Variants in VWCE observed in about 807,000 individuals in gnomAD.
The protein encoded by VWCE is von Willebrand factor C and EGF domain-containing protein.
Under a neutral mutation model 102.9 loss-of-function variants are expected in VWCE, and 68 were observed. The ratio of observed to expected loss-of-function variants is 0.66; its 90% CI spans 0.54 to 0.81. VWCE has a LOEUF of 0.81. VWCE is among the 30% of genes least tolerant of loss of function. The probability of loss-of-function intolerance (pLI) is 0.00; values close to 1 mark genes in which losing one functional copy is unlikely to be tolerated. For missense variants in VWCE, 1,137 were observed against 1,263.6 expected (o/e 0.90, Z 1.52); for synonymous variants, 497 against 515.4 (o/e 0.96, Z 0.48).
In VWCE at chr11:61,291,539, C is replaced by T. The variant is rs1291733045; in HGVS notation, c.148G>A (p.Gly50Arg). Residue 50 changes from glycine (G) to arginine (R), a missense_variant, in exon 2 of 20, where the codon GGG becomes AGG. This residue lies in a region of VWCE where 575 missense variants were observed against 625.9 expected (regional missense o/e 0.92). Coordinates refer to ENST00000335613, the MANE Select transcript of VWCE (RefSeq NM_152718.2). ...GCCCAGCCAGGGCAGCAGCCACTCC[C>T]AAACCCAGAGAGGCAGACGTGGGGG... Reference protein sequence around the residue: ...LGPHVCLSGFGSGCCPGWAPS... With the variant: ...LGPHVCLSGFRSGCCPGWAPS... 6.7e-7 allele frequency: 1 copy of T among 1,486,732 alleles called. No individual in the cohort carries two copies. Among genetic ancestry groups the T allele is most frequent in the Admixed American group, 2.4e-5 (1 of 42,260 alleles). The allele number at this position is 1,486,732 out of a possible 1,614,324, so 92.1% of individuals were successfully genotyped here.
rs758891646 is a variant in VWCE, at chr11:61,258,821, G to A, written c.2722C>T (p.Pro908Ser). ...AGGAGGGTGATGGGGGTCTTCGAGG[G>A]GCTGGGGTCCATCATGGAAAGTGCT... Reference protein sequence around the residue: ...ASALSMMDPSPSKTPITLLGP... With the variant: ...ASALSMMDPSSSKTPITLLGP... Residue 908 changes from proline to serine, a missense_variant, in exon 20 of 20, where the codon CCC becomes TCC. This residue lies in a region of VWCE where 316 missense variants were observed against 319.3 expected (regional missense o/e 0.99). Transcript: ENST00000335613. The A allele has an allele frequency of 1.7e-5, 25 of 1,510,274 alleles. No individual in the cohort carries two copies. In the East Asian group the frequency reaches 5.3e-4, roughly 32 times the overall value. The allele number at this position is 1,510,274 out of a possible 1,614,324, so 93.6% of individuals were successfully genotyped here. A position where few individuals can be genotyped will look rare whatever the true frequency, so the allele number is the denominator to read the frequency against.
At position 61,291,254 on chromosome 11, in the gene VWCE, C is replaced by T. The variant is rs757834498; in HGVS notation, c.295+10G>A. On this transcript the variant is annotated intron_variant, in intron 3 of 19. Coordinates refer to ENST00000335613, the MANE Select transcript of VWCE (RefSeq NM_152718.2). ...TCTGTTCCCATCAGCCCCTTCCCAT[C>T]CCCAGTTACCTGGGCAGGTGGCCCC... 22 of 1,564,844 alleles carry T rather than the reference C, an allele frequency of 1.4e-5. No homozygotes were observed. The South Asian group carries it at 2.4e-4, about 17-fold the overall frequency.
chr11:61,265,536 C>T (rs1448018668), intron 16 of VWCE, among the ~76,000 whole-genome samples: 1 of 152,136 alleles, frequency 6.6e-6, no homozygotes, highest in Admixed American at 6.5e-5. Flanking sequence ...CCCCAAAGCC[C>T]GAGGCTGAGA....
At chr11:61,272,771 TCATA>T (rs1477990278) in intron 13 of VWCE, among the ~76,000 whole-genome samples, 3 of 148,598 alleles carry the variant, frequency 2.0e-5, no homozygotes, top group Non-Finnish European at 3.0e-5. Context: ...GCAGACACAC[TCATA>T]CAAACATACA....
chr11:61,268,882 T>C, intron 15 of VWCE, 40 bp downstream of exon 15: 1 of 1,605,318 alleles, frequency 6.2e-7, no homozygotes, highest in Non-Finnish European at 8.5e-7. Flanking sequence ...ATGCCTGAGA[T>C]GCCCTGCCCT....
chr11:61,271,185 C>T (rs1440449847), intron 14 of VWCE: 2 of 154,002 alleles, frequency 1.3e-5, no homozygotes, highest in South Asian at 4.0e-4. Flanking sequence ...CTTGCTTTGT[C>T]GCCAGGCTGG....
chr11:61,295,158 T>A lies in VWCE; in HGVS notation c.-121A>T, dbSNP rs1382030689. 3 of 558,562 alleles carry A rather than the reference T, an allele frequency of 5.4e-6. No individual in the cohort carries two copies. Among genetic ancestry groups the A allele is most frequent in the Non-Finnish European group, 8.2e-6 (3 of 366,354 alleles). 34.6% of individuals were successfully genotyped at this position (558,562 alleles called of 1,614,324 possible). The stretch of plus-strand genomic sequence containing the variant: ...GGGAGCGAACCAGCGATCCCCGAAA[T>A]GGCACGCAGAGCTGAGCAGGGGGGC... On this transcript the variant is annotated 5_prime_UTR_variant, in exon 1 of 20. Transcript: ENST00000335613. The surrounding 1 kb of genome is among the most constrained non-coding windows in gnomAD (Gnocchi z 4.6).
At chr11:61,273,379 T>C in intron 12 of VWCE, 63 bp from the exon 13 acceptor site, 6 of 1,475,992 alleles carry the variant, frequency 4.1e-6, no homozygotes, top group Non-Finnish European at 5.5e-6. Flanking sequence ...CATGGAGAGC[T>C]AGAGGAGGCC....
chr11:61,263,124 T>C (rs1854405956), intron 19 of VWCE, among the ~76,000 whole-genome samples: 1 of 152,170 alleles, frequency 6.6e-6, no homozygotes, highest in East Asian at 1.9e-4. Context: ...CTGACGAACA[T>C]GGCGAAACCT....
At chr11:61,290,735 A>G in intron 4 of VWCE, 64 bp downstream of exon 4, 1 of 1,543,946 alleles carries the variant, frequency 6.5e-7, no homozygotes, top group Non-Finnish European at 8.8e-7. Flanking sequence ...TCCTGGCAGG[A>G]GGGGGAGGAG....
rs148847880 is a variant in VWCE, at chr11:61,267,254, AG to A, written c.1965+207del. Among the ~76,000 whole-genome samples, 1,224 of 152,246 alleles carry A rather than the reference AG, an allele frequency of 8.0e-3. 1 individual carries two copies. The highest frequency in any genetic ancestry group is 0.014 in the Middle Eastern group (4 of 294). On this transcript the variant is annotated intron_variant, in intron 16 of 19. Transcript: ENST00000335613. The stretch of plus-strand genomic sequence containing the variant: ...ACCTGGGAGCCTGGGTGACAGAACA[AG>A]GCTCCATCTCAAAAACAAACAAAAA...
chr11:61,276,737 C>A (rs1854930367), intron 10 of VWCE, 57 bp from the exon 11 acceptor site: 4 of 1,404,928 alleles, frequency 2.8e-6, no homozygotes, highest in Admixed American at 2.3e-5. Context: ...GGGTTCATTC[C>A]CCATCTCACA....
intron 4 of VWCE, among the ~76,000 whole-genome samples, chr11:61,289,938 A>G (rs1418948333): frequency 6.6e-6 from 1 of 152,254 alleles, no homozygotes; most frequent in Non-Finnish European, 1.5e-5. Flanking sequence ...TTGACAAGAA[A>G]CTGGTCACAG....
At chr11:61,271,477 G>C in intron 14 of VWCE, 198 bp downstream of exon 14, 1 of 520,218 alleles carries the variant, frequency 1.9e-6, no homozygotes, top group South Asian at 2.0e-5. Flanking sequence ...CAACTGCCAA[G>C]CACCATCGTC....
At chr11:61,264,887 T>C (rs1443325168) in intron 18 of VWCE, 69 bp downstream of exon 18, 10 of 1,544,224 alleles carry the variant, frequency 6.5e-6, no homozygotes, top group Non-Finnish European at 8.9e-6. Context: ...CTCCATGTTT[T>C]GCAAAGGGAC....
At chr11:61,261,543 A>G (rs570389596) in intron 19 of VWCE, among the ~76,000 whole-genome samples, 2 of 152,126 alleles carry the variant, frequency 1.3e-5, no homozygotes, top group South Asian at 4.2e-4. Context: ...AGGAGTTGGG[A>G]CCAGCCTGGG....
At chr11:61,284,699 G>A (rs1006020972) in intron 5 of VWCE, among the ~76,000 whole-genome samples, 2 of 152,168 alleles carry the variant, frequency 1.3e-5, no homozygotes, top group Non-Finnish European at 2.9e-5. Context: ...TGTAATCCCA[G>A]CACTTCAGGA....
rs369963731 is a variant in VWCE at position 61,264,597 on chromosome 11, C to T, written c.2140-20G>A. The T allele has an allele frequency of 1.6e-5, 25 of 1,595,270 alleles. No individual in the cohort carries two copies. The highest frequency in any genetic ancestry group is 2.1e-5 in the Non-Finnish European group (25 of 1,170,356). On this transcript the variant is annotated intron_variant, in intron 18 of 19. Transcript: ENST00000335613. The stretch of plus-strand genomic sequence containing the variant: ...TCCCAGCTGGGGAAGCAGAAGGAAC[C>T]CCATGAGGAAGCCCAGAGCATCTTG...
intron 11 of VWCE, among the ~76,000 whole-genome samples, chr11:61,275,885 A>T (rs531804539): frequency 6.6e-6 from 1 of 152,232 alleles, no homozygotes; most frequent in Non-Finnish European, 1.5e-5. Context: ...GTGGACTGAA[A>T]CTCCATCCTG....
Sources: gnomAD v4.1 joint callset for allele counts (sites outside exome capture counted in the v4.1 genomes callset) on GRCh38, gnomAD v4.1.1 for gene constraint, gnomAD v4.1.1 regional missense constraint, Gnocchi (gnomAD v3.1) non-coding constraint, MANE v1.5 for transcripts, NCBI Gene and HGNC (gene_info 2026-07-23, HGNC 2026-07-21) for gene names.